ADGRB3: variants seen among roughly 807,000 people sequenced by gnomAD.
The protein encoded by ADGRB3 is brain-specific angiogenesis inhibitor 3.
Under a neutral mutation model 193.4 loss-of-function variants are expected in ADGRB3, and 37 were observed. That is an observed-to-expected ratio of 0.19 (90% CI 0.15 to 0.25). The LOEUF (loss-of-function observed/expected upper bound fraction) is 0.25. Ranked by LOEUF, ADGRB3 falls within the 10% of genes least tolerant of loss-of-function variation. The probability of loss-of-function intolerance (pLI) is 1.00; values close to 1 mark genes in which losing one functional copy is unlikely to be tolerated. For missense variants in ADGRB3, 1,637 were observed against 1,852.9 expected, an observed-to-expected ratio of 0.88 and a Z score of 2.14; for synonymous variants, 690 against 644.2, an observed-to-expected ratio of 1.07 and a Z score of -1.08.
At chr6:69,169,849 C>G (rs958340973) in intron 17 of ADGRB3, among the ~76,000 whole-genome samples, 6 of 152,100 alleles carry the variant, frequency 3.9e-5, no homozygotes, top group African/African-American at 1.4e-4. Flanking sequence ...TATAGCTTGA[C>G]CTTGAATTAG....
At chr6:68,763,944 G>T (rs764987368) in intron 3 of ADGRB3, among the ~76,000 whole-genome samples, 3 of 152,044 alleles carry the variant, frequency 2.0e-5, no homozygotes, top group Non-Finnish European at 4.4e-5. Flanking sequence ...GTGTTGGAGT[G>T]TGTCTGTAGT....
chr6:68,639,240 T>A lies in ADGRB3; in HGVS notation c.565T>A (p.Cys189Ser). The change falls in exon 3 of 32, where the codon TGT (cysteine) becomes AGT (serine). Residue 189 changes from cysteine to serine, a missense_variant. By Grantham distance (112) the Cys-to-Ser change is moderately radical (BLOSUM62 -1). Transcript: ENST00000370598. Reference sequence around the variant, plus strand: ...ATCAGAAAATGGGAGAACAGAATCATGTGGGATCATGTATACAAAATGCAC... The same window carrying A: ...ATCAGAAAATGGGAGAACAGAATCAAGTGGGATCATGTATACAAAATGCAC... ...LKSENGRTES[C>S]GIMYTKCTCP... The A allele has an allele frequency of 6.2e-7, 1 of 1,614,150 alleles. No homozygotes were observed. The highest frequency in any genetic ancestry group is 8.5e-7 in the Non-Finnish European group (1 of 1,180,030).
chr6:69,377,570 G>T (rs1026556042), intron 30 of ADGRB3, among the ~76,000 whole-genome samples: 1 of 151,998 alleles, frequency 6.6e-6, no homozygotes, highest in African/African-American at 2.4e-5. Flanking sequence ...CGGCATTGTA[G>T]GTGTATAAAG....
At chr6:69,104,991 G>A (rs1174726061) in intron 17 of ADGRB3, among the ~76,000 whole-genome samples, 1 of 152,218 alleles carries the variant, frequency 6.6e-6, no homozygotes, top group East Asian at 1.9e-4. Flanking sequence ...TTTTAACATT[G>A]TAGTTTATAG....
chr6:68,699,274 C>G (rs1408537364), intron 3 of ADGRB3, among the ~76,000 whole-genome samples: 1 of 151,964 alleles, frequency 6.6e-6, no homozygotes, highest in Non-Finnish European at 1.5e-5. Flanking sequence ...TAAATTACTC[C>G]TATTGAGAGA....
chr6:68,832,330 G>A (rs1468929741), intron 3 of ADGRB3, among the ~76,000 whole-genome samples: 1 of 152,022 alleles, frequency 6.6e-6, no homozygotes, highest in African/African-American at 2.4e-5. Flanking sequence ...TAAAAAGTAT[G>A]TCATAGTCTT....
At chr6:68,678,700 T>TTGTG (rs137961669) in intron 3 of ADGRB3, among the ~76,000 whole-genome samples, 9 of 151,296 alleles carry the variant, frequency 5.9e-5, no homozygotes, top group Middle Eastern at 3.4e-3. Context: ...TTGCATCTAT[T>TTGTG]TGTGTGTGTG....
chr6:69,344,655 G>A (rs1240500005), intron 26 of ADGRB3, among the ~76,000 whole-genome samples: 1 of 152,172 alleles, frequency 6.6e-6, no homozygotes, highest in Non-Finnish European at 1.5e-5. Context: ...GAACATCCAG[G>A]TTTGACTACT....
At chr6:69,381,685 C>A (rs1679978355) in intron 30 of ADGRB3, among the ~76,000 whole-genome samples, 1 of 151,886 alleles carries the variant, frequency 6.6e-6, no homozygotes, top group African/African-American at 2.4e-5. Context: ...GGCATTACAG[C>A]TCTCCCAAAG....
intron 30 of ADGRB3, among the ~76,000 whole-genome samples, chr6:69,380,389 T>C (rs1465674351): frequency 1.3e-5 from 2 of 151,938 alleles, no homozygotes; most frequent in South Asian, 2.1e-4. Flanking sequence ...TGAAGGATAA[T>C]TGGAGACTTC....
At chr6:68,706,530 C>G (rs1255111463) in intron 3 of ADGRB3, among the ~76,000 whole-genome samples, 1 of 152,202 alleles carries the variant, frequency 6.6e-6, no homozygotes, top group Non-Finnish European at 1.5e-5. Flanking sequence ...TGAGCACCAG[C>G]TCTGAGCCAC....
At chr6:69,080,169 G>A (rs186574104) in intron 17 of ADGRB3, among the ~76,000 whole-genome samples, 66 of 152,062 alleles carry the variant, frequency 4.3e-4, no homozygotes, top group African/African-American at 1.5e-3. Flanking sequence ...ATAACTCCTA[G>A]CAAATATAAA....
rs1207666822 is a variant in ADGRB3 at position 69,366,379 on chromosome 6, AATGGCATAT to A, written c.4239+4868_4239+4876del. 2.1e-4 allele frequency among the ~76,000 whole-genome samples: 32 copies of A among 152,244 alleles called. No homozygotes were observed. In the East Asian group the frequency reaches 5.4e-3, roughly 26 times the overall value. ...TTGGTCACTTTGTAATAGAAATTTTAATGGCATATTGCCATTCATTAGTCAGTGGAATTT... is the reference window on the plus strand; with the variant it reads ...TTGGTCACTTTGTAATAGAAATTTTATGCCATTCATTAGTCAGTGGAATTT... On this transcript the variant is annotated intron_variant, in intron 29 of 31. Transcript: ENST00000370598.
chr6:69,355,996 C>A, intron 28 of ADGRB3, 136 bp downstream of exon 28: 1 of 635,346 alleles, frequency 1.6e-6, no homozygotes, highest in Non-Finnish European at 2.5e-6. Flanking sequence ...AAAGCAGCCC[C>A]CAAATGCCAA....
intron 17 of ADGRB3, among the ~76,000 whole-genome samples, chr6:69,163,377 C>G (rs1403706625): frequency 6.6e-6 from 1 of 152,040 alleles, no homozygotes; most frequent in Non-Finnish European, 1.5e-5. Context: ...CTATTGCAAC[C>G]AGGTACCCCT....
At chr6:69,374,970 A>C (rs1437421944) in intron 30 of ADGRB3, among the ~76,000 whole-genome samples, 4 of 152,144 alleles carry the variant, frequency 2.6e-5, no homozygotes, top group African/African-American at 7.2e-5. Flanking sequence ...TCAAGGAGAT[A>C]GAAAAATGGC....
intron 17 of ADGRB3, among the ~76,000 whole-genome samples, chr6:69,090,987 T>G (rs1178782389): frequency 1.3e-5 from 2 of 152,130 alleles, no homozygotes; most frequent in Non-Finnish European, 2.9e-5. Flanking sequence ...CCTTCCAAAA[T>G]GAACAGACAC....
chr6:68,725,320 CAT>C (rs959800600), intron 3 of ADGRB3, among the ~76,000 whole-genome samples: 20 of 151,730 alleles, frequency 1.3e-4, no homozygotes, highest in African/African-American at 4.1e-4. Flanking sequence ...GTGAGAATCA[CAT>C]GATTAGATTT....
At chr6:69,092,679 G>A (rs1772748259) in intron 17 of ADGRB3, among the ~76,000 whole-genome samples, 3 of 152,020 alleles carry the variant, frequency 2.0e-5, no homozygotes, top group South Asian at 4.2e-4. Flanking sequence ...GTAAAGAGAC[G>A]GTTACAGTTA....
Sources: gnomAD v4.1 joint callset for allele counts (sites outside exome capture counted in the v4.1 genomes callset) on GRCh38, gnomAD v4.1.1 for gene constraint, MANE v1.5 for transcripts, NCBI Gene and HGNC (gene_info 2026-07-23, HGNC 2026-07-21) for gene names.